The following RBFOX3 variants were observed in gnomAD, a reference collection of about 807,000 sequenced individuals.
The protein encoded by RBFOX3 is RNA binding protein fox-1 homolog 3.
RBFOX3 carries 17 observed loss-of-function variants against 48.7 expected under a neutral mutation model. That is an observed-to-expected ratio of 0.35 (90% CI 0.24 to 0.52). The LOEUF (loss-of-function observed/expected upper bound fraction) is 0.52. Among genes scored for constraint, RBFOX3 ranks in the 20% least tolerant of loss-of-function variants. RBFOX3 has a pLI of 0.94. For synonymous variants in RBFOX3, 212 were observed against 209.5 expected (o/e 1.01, Z -0.10); for missense variants, 382 against 497.5 (o/e 0.77, Z 2.21).
chr17:79,317,918 T>C (rs1285818726), intron 2 of RBFOX3, among the ~76,000 whole-genome samples: 2 of 152,190 alleles, frequency 1.3e-5, no homozygotes, highest in Non-Finnish European at 2.9e-5. Context: ...CTAACTTCCC[T>C]ATCTTGAGTT....
chr17:79,372,481 G>A (rs1450912726), intron 2 of RBFOX3, among the ~76,000 whole-genome samples: 4 of 149,780 alleles, frequency 2.7e-5, no homozygotes, highest in Non-Finnish European at 5.9e-5. Context: ...CCAGTCCATG[G>A]CTCCGCCTCT....
intron 6 of RBFOX3, among the ~76,000 whole-genome samples, chr17:79,105,988 C>G (rs1039551300): frequency 6.6e-6 from 1 of 152,208 alleles, no homozygotes; most frequent in Non-Finnish European, 1.5e-5. Context: ...TGACCCAGGA[C>G]CCAGGGGCAG....
intron 1 of RBFOX3, among the ~76,000 whole-genome samples, chr17:79,539,804 A>G (rs1433382764): frequency 1.3e-5 from 2 of 152,246 alleles, no homozygotes; most frequent in East Asian, 3.8e-4. Context: ...TCAACTCTCT[A>G]TGCTATTACA....
At chr17:79,261,801 A>G (rs1429423804) in intron 3 of RBFOX3, among the ~76,000 whole-genome samples, 1 of 152,182 alleles carries the variant, frequency 6.6e-6, no homozygotes, top group Non-Finnish European at 1.5e-5. Flanking sequence ...CTGTTCACAC[A>G]AGAGGCCCCC....
rs377500852 is a variant in RBFOX3 at position 79,407,675 on chromosome 17, G to A, written c.-175+74779C>T. Reference sequence around the variant, plus strand: ...GTCCCTCAGGATTGGGGGACAAGGCGTGGGGAGGACTTCTGCAGGATTGCA... The same window carrying A: ...GTCCCTCAGGATTGGGGGACAAGGCATGGGGAGGACTTCTGCAGGATTGCA... On this transcript the variant is annotated intron_variant, in intron 2 of 14. Coordinates refer to ENST00000693108, the MANE Select transcript of RBFOX3 (RefSeq NM_001350451.2). Among the ~76,000 whole-genome samples the A allele has an allele frequency of 1.6e-4, 25 of 152,322 alleles. No individual in the cohort carries two copies. In the East Asian group the frequency reaches 3.1e-3, roughly 19 times the overall value.
At chr17:79,502,477 C>T (rs1480635371) in intron 1 of RBFOX3, among the ~76,000 whole-genome samples, 1 of 152,156 alleles carries the variant, frequency 6.6e-6, no homozygotes, top group East Asian at 1.9e-4. Flanking sequence ...TGTCACTGAA[C>T]GGGCCACTTT....
At chr17:79,336,800 C>T (rs1203333273) in intron 2 of RBFOX3, among the ~76,000 whole-genome samples, 1 of 152,192 alleles carries the variant, frequency 6.6e-6, no homozygotes, top group East Asian at 1.9e-4. Context: ...TGATGGCCTT[C>T]AGGAGGCAAT....
intron 1 of RBFOX3, among the ~76,000 whole-genome samples, chr17:79,549,990 G>C (rs1261144633): frequency 6.6e-6 from 1 of 152,176 alleles, no homozygotes; most frequent in Admixed American, 6.5e-5. Context: ...TGGGCATGCT[G>C]ACCAGCCGTG....
intron 3 of RBFOX3, among the ~76,000 whole-genome samples, chr17:79,284,759 C>T (rs1161713120): frequency 5.3e-5 from 8 of 152,032 alleles, no homozygotes; most frequent in Non-Finnish European, 1.5e-5. Context: ...AGGCTGGTGT[C>T]GAACTCCTGA....
intron 4 of RBFOX3, among the ~76,000 whole-genome samples, chr17:79,146,841 T>C (rs898280629): frequency 1.3e-5 from 2 of 152,124 alleles, no homozygotes; most frequent in African/African-American, 4.8e-5. Context: ...AACCTCACCA[T>C]GAGGAGGGGG....
chr17:79,299,701 G>A lies in RBFOX3; in HGVS notation c.-74+8023C>T, dbSNP rs192653856. Among the ~76,000 whole-genome samples the A allele has an allele frequency of 2.6e-5, 4 of 152,274 alleles. No individual in the cohort carries two copies. Among genetic ancestry groups the A allele is most frequent in the East Asian group, 3.9e-4 (2 of 5,156 alleles). On this transcript the variant is annotated intron_variant, in intron 3 of 14. Coordinates refer to ENST00000693108, the MANE Select transcript of RBFOX3 (RefSeq NM_001350451.2). The surrounding 1 kb of genome is among the most constrained non-coding windows in gnomAD (Gnocchi z 4.5). ...TGAAGGGGTAATTTGGTTAAACTGA[G>A]TTAATTAGGGTGAGTCTTAATCCAA...
chr17:79,267,944 A>G (rs1259135261), intron 3 of RBFOX3, among the ~76,000 whole-genome samples: 1 of 152,182 alleles, frequency 6.6e-6, no homozygotes, highest in East Asian at 1.9e-4. Context: ...GGCTCTATCC[A>G]CACGATTTCT....
chr17:79,386,656 C>A (rs1459019700), intron 2 of RBFOX3, among the ~76,000 whole-genome samples: 1 of 152,244 alleles, frequency 6.6e-6, no homozygotes, highest in African/African-American at 2.4e-5. Context: ...CCACGGGCAC[C>A]TTTCCCCAAG....
intron 2 of RBFOX3, among the ~76,000 whole-genome samples, chr17:79,359,592 G>A (rs2085896523): frequency 6.6e-6 from 1 of 152,044 alleles, no homozygotes; most frequent in Non-Finnish European, 1.5e-5. Flanking sequence ...ACACTCCTTG[G>A]AAGAGAAGAG....
At chr17:79,577,416 C>T (rs905422401) in intron 1 of RBFOX3, among the ~76,000 whole-genome samples, 15 of 152,110 alleles carry the variant, frequency 9.9e-5, no homozygotes, top group Admixed American at 7.2e-4. Flanking sequence ...AGACTCAATT[C>T]GGCAGGGGAA....
intron 1 of RBFOX3, among the ~76,000 whole-genome samples, chr17:79,520,460 GT>G (rs2085897990): frequency 6.6e-6 from 1 of 152,182 alleles, no homozygotes; most frequent in Admixed American, 6.5e-5. Flanking sequence ...GGGTCCAGGG[GT>G]CAGGTGCCAG....
At chr17:79,516,923 A>C (rs1357054101) in intron 1 of RBFOX3, among the ~76,000 whole-genome samples, 1 of 151,874 alleles carries the variant, frequency 6.6e-6, no homozygotes, top group East Asian at 1.9e-4. Context: ...CCCCTCGGGG[A>C]GTCATACTCG....
At chr17:79,371,987 C>T (rs944138180) in intron 2 of RBFOX3, among the ~76,000 whole-genome samples, 2 of 152,106 alleles carry the variant, frequency 1.3e-5, no homozygotes, top group Non-Finnish European at 2.9e-5. Context: ...CAGGCAGGTT[C>T]GGGGAGACCC....
At chr17:79,236,410 G>A (rs890279889) in intron 3 of RBFOX3, among the ~76,000 whole-genome samples, 1 of 152,014 alleles carries the variant, frequency 6.6e-6, no homozygotes, top group East Asian at 1.9e-4. Flanking sequence ...TGCCTCAGCC[G>A]CCCTAGTAGC....
Sources: gnomAD v4.1 joint callset for allele counts (sites outside exome capture counted in the v4.1 genomes callset) on GRCh38, gnomAD v4.1.1 for gene constraint, Gnocchi (gnomAD v3.1) non-coding constraint, MANE v1.5 for transcripts, NCBI Gene and HGNC (gene_info 2026-07-23, HGNC 2026-07-21) for gene names.